Variants in ZKSCAN1 observed in about 807,000 individuals in gnomAD.
The protein encoded by ZKSCAN1 is zinc finger with KRAB and SCAN domains 1.
Under a neutral mutation model 51.6 loss-of-function variants are expected in ZKSCAN1, and 14 were observed. The observed-to-expected ratio is 0.27, with a 90% CI of 0.18 to 0.42. The LOEUF (loss-of-function observed/expected upper bound fraction) is 0.42, where lower values mean the gene tolerates loss of function less well. ZKSCAN1 is among the 10% of genes least tolerant of loss of function. ZKSCAN1 has a pLI of 1.00. For synonymous variants in ZKSCAN1, 263 were observed against 261.5 expected (o/e 1.01, Z -0.06); for missense variants, 531 against 710.0 (o/e 0.75, Z 2.86).
intron 5 of ZKSCAN1, 49 bp downstream of exon 5, chr7:100,030,424 G>T (rs1283703654): frequency 3.2e-6 from 5 of 1,580,290 alleles, no homozygotes; most frequent in Non-Finnish European, 4.3e-6. Context: ...TTGTCTCTCT[G>T]TGTGTTAGCT....
Position 100,023,504 on chromosome 7 carries a change from T to C in ZKSCAN1, c.-3T>C, listed in dbSNP as rs1342366452. ...TTGGATCAAGTCAGTTCCTGGAGCC[T>C]GAATGATGACTGCTGAATCACGGGA... On this transcript the variant is annotated 5_prime_UTR_variant, in exon 2 of 6. Coordinates refer to ENST00000324306, the MANE Select transcript of ZKSCAN1 (RefSeq NM_003439.4). 1 of 1,606,894 alleles carries C rather than the reference T, an allele frequency of 6.2e-7. No individual in the cohort carries two copies.
In ZKSCAN1 at chr7:100,033,838, A is replaced by G; in HGVS notation, c.1333A>G (p.Ser445Gly). 1 of 1,614,242 alleles carries G rather than the reference A, an allele frequency of 6.2e-7. No individual in the cohort carries two copies. Among genetic ancestry groups the G allele is most frequent in the Non-Finnish European group, 8.5e-7 (1 of 1,180,044 alleles). Reference protein sequence around the residue: ...CNECGKAFSHSSNLILHQRIH... With the variant: ...CNECGKAFSHGSNLILHQRIH... ...CGAGTGTGGCAAGGCCTTCAGCCAC[A>G]GTTCCAATCTCATCCTCCATCAGCG... Residue 445 changes from serine to glycine, a missense_variant, in exon 6 of 6, where the codon AGT becomes GGT. Ser to Gly is a moderately conservative substitution (Grantham distance 56). This residue lies in a region of ZKSCAN1 where 128 missense variants were observed against 219.5 expected (regional missense o/e 0.58). Coordinates refer to ENST00000324306, the MANE Select transcript of ZKSCAN1 (RefSeq NM_003439.4). The surrounding 1 kb of genome is among the most constrained non-coding windows in gnomAD (Gnocchi z 4.1).
intron 1 of ZKSCAN1, among the ~76,000 whole-genome samples, chr7:100,018,938 T>C (rs928846898): frequency 1.3e-5 from 2 of 152,180 alleles, no homozygotes; most frequent in Admixed American, 1.3e-4. Flanking sequence ...ATTTCCTCCT[T>C]AGAGTCGCAT....
Position 100,036,387 on chromosome 7 carries a change from ACTC to A in ZKSCAN1, c.*2193_*2195del. ...AGCCACAGCAATGGTTTTGTAGAAA[ACTC>A]CTGTGCTTTTGAGCAAGGACTTTTG... On this transcript the variant is annotated 3_prime_UTR_variant, in exon 6 of 6. Transcript: ENST00000324306. The A allele has an allele frequency of 6.1e-6, 6 of 985,252 alleles. No homozygotes were observed. The highest frequency in any genetic ancestry group is 7.2e-6 in the Non-Finnish European group (6 of 829,890). The allele number at this position is 985,252 out of a possible 1,614,324, so 61.0% of individuals were successfully genotyped here. A position where few individuals can be genotyped will look rare whatever the true frequency, so the allele number is the denominator to read the frequency against.
In ZKSCAN1 at chr7:100,034,473, G is replaced by T; in HGVS notation, c.*276G>T. 1 of 1,156,624 alleles carries T rather than the reference G, an allele frequency of 8.6e-7. No homozygotes were observed. Among genetic ancestry groups the T allele is most frequent in the East Asian group, 4.3e-5 (1 of 23,398 alleles). The allele number at this position is 1,156,624 out of a possible 1,614,324, so 71.6% of individuals were successfully genotyped here. ...AAAGCACACGCATAGTGAAATGTCA[G>T]TCTTTTCAGTAATGAGGATACCTTT... On this transcript the variant is annotated 3_prime_UTR_variant, in exon 6 of 6. Coordinates refer to ENST00000324306, the MANE Select transcript of ZKSCAN1 (RefSeq NM_003439.4).
chr7:100,030,338 C>T lies in ZKSCAN1; in HGVS notation c.762C>T (p.Asp254=), dbSNP rs907249805. The T allele has an allele frequency of 6.2e-6, 10 of 1,614,088 alleles. No individual in the cohort carries two copies. Among genetic ancestry groups the T allele is most frequent in the Non-Finnish European group, 6.8e-6 (8 of 1,180,016 alleles). Reference sequence around the variant, plus strand: ...TGGCTCGGAGGAATCTCAGTAGGGACAACAGGCAGGAGAATTATGGGAGCG... The same window carrying T: ...TGGCTCGGAGGAATCTCAGTAGGGATAACAGGCAGGAGAATTATGGGAGCG... The part of the protein sequence containing the change: ...QNLARRNLSR[D]NRQENYGSAF... The change falls in exon 5 of 6, where the codon GAC becomes GAT. Residue 254 remains aspartate (D), a synonymous_variant. Coordinates refer to ENST00000324306, the MANE Select transcript of ZKSCAN1 (RefSeq NM_003439.4).
rs1486458873 is a variant in ZKSCAN1 at position 100,039,993 on chromosome 7, T to C, written c.*5796T>C. 1.1e-6 allele frequency: 1 copy of C among 931,618 alleles called. No homozygotes were observed. Among genetic ancestry groups the C allele is most frequent in the Non-Finnish European group, 1.3e-6 (1 of 781,342 alleles). The allele number at this position is 931,618 out of a possible 1,614,324, so 57.7% of individuals were successfully genotyped here. A position where few individuals can be genotyped will look rare whatever the true frequency, so the allele number is the denominator to read the frequency against. On this transcript the variant is annotated 3_prime_UTR_variant, in exon 6 of 6. Coordinates refer to ENST00000324306, the MANE Select transcript of ZKSCAN1 (RefSeq NM_003439.4). ...TTCTAACATAGATTTAGGGTTTTTT[T>C]TTTTAGAGTGGACACACTACATTTA...
chr7:100,028,861 TG>T (rs902378539), intron 3 of ZKSCAN1, among the ~76,000 whole-genome samples: 2 of 150,364 alleles, frequency 1.3e-5, no homozygotes, highest in Non-Finnish European at 3.0e-5. Flanking sequence ...GGACAAAAAC[TG>T]GCAAAAACTT....
rs1472533895 is a variant in ZKSCAN1, at chr7:100,024,208, G to A, written c.481G>A (p.Asp161Asn). 6.2e-7 allele frequency: 1 copy of A among 1,614,094 alleles called. No homozygotes were observed. Among genetic ancestry groups the A allele is most frequent in the South Asian group, 1.1e-5 (1 of 91,074 alleles). The change falls in exon 3 of 6, where the codon GAT becomes AAT. Residue 161 changes from aspartate to asparagine, a missense_variant. By Grantham distance (23) the Asp-to-Asn change is conservative (BLOSUM62 1). Transcript: ENST00000324306. ...EMLARGMVPLDPVQESSSFDL... is the reference protein window; with the variant it reads ...EMLARGMVPLNPVQESSSFDL... The stretch of plus-strand genomic sequence containing the variant: ...GCTCGCAAGGGGGATGGTGCCTCTG[G>A]ATCCAGTTCAGGAGTCCTCGAGCTT...
chr7:100,017,182 A>T (rs1323863975), intron 1 of ZKSCAN1, among the ~76,000 whole-genome samples: 3 of 144,104 alleles, frequency 2.1e-5, no homozygotes, highest in African/African-American at 3.0e-5. Flanking sequence ...ATTGCTCTTT[A>T]AAAAAATGAG....
Position 100,033,007 on chromosome 7 carries a change from CAA to C in ZKSCAN1, c.800-285_800-284del, listed in dbSNP as rs751028310. Among the ~76,000 whole-genome samples, 6 of 132,302 alleles carry C rather than the reference CAA, an allele frequency of 4.5e-5. No individual in the cohort carries two copies. Among genetic ancestry groups the C allele is most frequent in the African/African-American group, 5.6e-5 (2 of 35,620 alleles). 86.8% of individuals were successfully genotyped at this position (132,302 alleles called of 152,430 possible). On this transcript the variant is annotated intron_variant, in intron 5 of 5. Transcript: ENST00000324306. This position sits in a 1 kb window ranked among gnomAD's most constrained non-coding sequence, Gnocchi z 4.1. ...TGGGTAACAGAGCAAGACTCCATCT[CAA>C]AAAAAAAAAAAAGTTACCCGGGCGT...
intron 3 of ZKSCAN1, chr7:100,025,054 T>C (rs1790765672): frequency 6.6e-6 from 1 of 151,910 alleles, no homozygotes; most frequent in Non-Finnish European, 1.5e-5. Context: ...AGGAGTTAAA[T>C]GTTACTACGA....
chr7:100,026,898 G>C (rs181169936), intron 3 of ZKSCAN1, among the ~76,000 whole-genome samples: 50 of 151,676 alleles, frequency 3.3e-4, no homozygotes, highest in African/African-American at 1.1e-3. Flanking sequence ...TTCTATAGGG[G>C]TTTTTCTAGT....
Position 100,038,553 on chromosome 7 carries a change from G to A in ZKSCAN1, c.*4356G>A. 1 of 985,490 alleles carries A rather than the reference G, an allele frequency of 1.0e-6. No homozygotes were observed. Among genetic ancestry groups the A allele is most frequent in the African/African-American group, 1.7e-5 (1 of 57,370 alleles). The allele number at this position is 985,490 out of a possible 1,614,324, so 61.0% of individuals were successfully genotyped here. Reference sequence around the variant, plus strand: ...TCAGGTGACCACTGTGTGCAAAGGGGATGGATTCTCTTGTCAGTAGACGGT... The same window carrying A: ...TCAGGTGACCACTGTGTGCAAAGGGAATGGATTCTCTTGTCAGTAGACGGT... On this transcript the variant is annotated 3_prime_UTR_variant, in exon 6 of 6. Coordinates refer to ENST00000324306, the MANE Select transcript of ZKSCAN1 (RefSeq NM_003439.4).
At chr7:100,017,775 G>A (rs1790431416) in intron 1 of ZKSCAN1, among the ~76,000 whole-genome samples, 1 of 152,092 alleles carries the variant, frequency 6.6e-6, no homozygotes, top group African/African-American at 2.4e-5. Context: ...CCATTTGACT[G>A]ATAAAGATAC....
chr7:100,035,972 AC>A lies in ZKSCAN1; in HGVS notation c.*1777del. 10 of 985,300 alleles carry A rather than the reference AC, an allele frequency of 1.0e-5. No homozygotes were observed. Among genetic ancestry groups the A allele is most frequent in the Non-Finnish European group, 1.2e-5 (10 of 829,914 alleles). The allele number at this position is 985,300 out of a possible 1,614,324, so 61.0% of individuals were successfully genotyped here. On this transcript the variant is annotated 3_prime_UTR_variant, in exon 6 of 6. Coordinates refer to ENST00000324306, the MANE Select transcript of ZKSCAN1 (RefSeq NM_003439.4). ...AACAAACCTCAAGACTATCAGTGTG[AC>A]CTCCCCATAACAAGAGAACCCCATA...
rs1468523142 is a variant in ZKSCAN1 at position 100,036,962 on chromosome 7, TC to T, written c.*2767del. The stretch of plus-strand genomic sequence containing the variant: ...TTAATTCCGTTTCATGGAGACATCT[TC>T]CTGACTTTGTTGGATAGCTGCCACT... On this transcript the variant is annotated 3_prime_UTR_variant, in exon 6 of 6. Coordinates refer to ENST00000324306, the MANE Select transcript of ZKSCAN1 (RefSeq NM_003439.4). 1 of 985,258 alleles carries T rather than the reference TC, an allele frequency of 1.0e-6. No homozygotes were observed. The highest frequency in any genetic ancestry group is 1.2e-6 in the Non-Finnish European group (1 of 829,926). 61.0% of individuals were successfully genotyped at this position (985,258 alleles called of 1,614,324 possible). A position where few individuals can be genotyped will look rare whatever the true frequency, so the allele number is the denominator to read the frequency against.
chr7:100,042,761 T>C (rs1791631857), downstream of ZKSCAN1, among the ~76,000 whole-genome samples: 1 of 150,690 alleles, frequency 6.6e-6, no homozygotes, highest in Admixed American at 6.6e-5. Context: ...TGTGTGTGTG[T>C]ATACGAATAC....
intron 3 of ZKSCAN1, 172 bp downstream of exon 3, chr7:100,024,479 A>T: frequency 1.2e-6 from 1 of 811,824 alleles, no homozygotes; most frequent in Non-Finnish European, 1.9e-6. Flanking sequence ...CTGTGATTCC[A>T]GCTACGCAGG....
Sources: gnomAD v4.1 joint callset for allele counts (sites outside exome capture counted in the v4.1 genomes callset) on GRCh38, gnomAD v4.1.1 for gene constraint, gnomAD v4.1.1 regional missense constraint, Gnocchi (gnomAD v3.1) non-coding constraint, MANE v1.5 for transcripts, NCBI Gene and HGNC (gene_info 2026-07-23, HGNC 2026-07-21) for gene names.